The following DCX variants were observed in gnomAD, a reference collection of about 807,000 sequenced individuals.
DCX encodes the protein neuronal migration protein doublecortin.
DCX carries 4 observed loss-of-function variants against 20.9 expected under a neutral mutation model. The ratio of observed to expected loss-of-function variants is 0.19; its 90% confidence interval spans 0.09 to 0.44. DCX has a LOEUF of 0.44. DCX is among the 20% of genes least tolerant of loss of function. The probability of loss-of-function intolerance (pLI) is 0.99; values close to 1 mark genes in which losing one functional copy is unlikely to be tolerated. For missense variants in DCX, 133 were observed against 296.9 expected, an observed-to-expected ratio of 0.45 and a Z score of 4.06; for synonymous variants, 103 against 111.4, an observed-to-expected ratio of 0.92 and a Z score of 0.47.
At position 111,294,130 on chromosome X, in the gene DCX, C is replaced by T. The variant is rs994159816; in HGVS notation, c.*7557G>A. ...AACCTACCAGTCCAAGTGGGGTCAG[C>T]AAACCAAAAAAGGAGAATGCCTCTT... On this transcript the variant is annotated 3_prime_UTR_variant, in exon 7 of 7. Coordinates refer to ENST00000636035, the MANE Select transcript of DCX (RefSeq NM_001195553.2). 8 of 111,418 alleles carry T rather than the reference C, an allele frequency of 7.2e-5. No individual in the cohort carries two copies. The highest frequency in any genetic ancestry group is 2.6e-4 in the African/African-American group (8 of 30,565). 9.2% of individuals were successfully genotyped at this position (111,418 alleles called of 1,213,427 possible).
intron 6 of DCX, among the ~76,000 whole-genome samples, chrX:111,310,891 G>T (rs768994252): frequency 1.8e-5 from 2 of 112,348 alleles, no homozygotes; most frequent in Non-Finnish European, 3.8e-5. Flanking sequence ...GCTTGTGGAT[G>T]ATGGGTCCTC....
At chrX:111,402,965 A>G (rs887943066) in intron 2 of DCX, among the ~76,000 whole-genome samples, 1 of 110,939 alleles carries the variant, frequency 9.0e-6, no homozygotes. Context: ...GCATACATGG[A>G]CACCCAGGAT....
chrX:111,312,525 T>A, intron 6 of DCX, 114 bp downstream of exon 6: 1 of 719,659 alleles, frequency 1.4e-6, no homozygotes, highest in Non-Finnish European at 2.1e-6. Context: ...TGAAGCCAGA[T>A]GAAGAAAATT....
intron 3 of DCX, among the ~76,000 whole-genome samples, chrX:111,379,722 T>C (rs1345931724): frequency 8.9e-6 from 1 of 111,897 alleles, no homozygotes; most frequent in Non-Finnish European, 1.9e-5. Context: ...TTCTCTGGAG[T>C]AGAATTGCTG....
At chrX:111,387,004 T>C (rs908575950) in intron 3 of DCX, among the ~76,000 whole-genome samples, 4 of 111,859 alleles carry the variant, frequency 3.6e-5, no homozygotes, top group Non-Finnish European at 7.5e-5. Context: ...AAGCACTCCT[T>C]GGTACATCTC....
chrX:111,358,259 T>C (rs1458080815), intron 3 of DCX, among the ~76,000 whole-genome samples: 1 of 112,422 alleles, frequency 8.9e-6, no homozygotes, highest in Admixed American at 9.4e-5. Flanking sequence ...TTAATGAAAT[T>C]AGTTTCTCTA....
At chrX:111,349,024 T>G (rs2147668601) in intron 3 of DCX, among the ~76,000 whole-genome samples, 1 of 111,645 alleles carries the variant, frequency 9.0e-6, no homozygotes, top group Non-Finnish European at 1.9e-5. Flanking sequence ...TCTATATCTT[T>G]TTTGTGTCAC....
chrX:111,352,991 G>A (rs1465157269), intron 3 of DCX, among the ~76,000 whole-genome samples: 1 of 111,748 alleles, frequency 8.9e-6, no homozygotes, highest in Non-Finnish European at 1.9e-5. Context: ...CATCAACTCT[G>A]TACTGAAGAA....
chrX:111,392,939 T>C (rs1927057743), intron 3 of DCX, among the ~76,000 whole-genome samples: 2 of 111,184 alleles, frequency 1.8e-5, no homozygotes, highest in African/African-American at 6.5e-5. Flanking sequence ...GTCTAGAACA[T>C]GGCAGGGCAC....
chrX:111,352,003 G>C (rs1418912910), intron 3 of DCX, among the ~76,000 whole-genome samples: 1 of 112,109 alleles, frequency 8.9e-6, no homozygotes, highest in Non-Finnish European at 1.9e-5. Flanking sequence ...GGGATTACAG[G>C]AGGGAGCCAC....
At chrX:111,339,604 A>T (rs1922040883) in intron 3 of DCX, among the ~76,000 whole-genome samples, 1 of 111,878 alleles carries the variant, frequency 8.9e-6, no homozygotes, top group Non-Finnish European at 1.9e-5. Context: ...TCTGTTATAA[A>T]CAACAGACAA....
chrX:111,408,759 A>G (rs1049798759), intron 2 of DCX, among the ~76,000 whole-genome samples: 7 of 112,087 alleles, frequency 6.2e-5, no homozygotes, highest in African/African-American at 2.3e-4. Context: ...GTCTTTTATA[A>G]GTAACTGGTC....
At chrX:111,338,290 G>T (rs1304804252) in intron 3 of DCX, among the ~76,000 whole-genome samples, 1 of 111,789 alleles carries the variant, frequency 8.9e-6, no homozygotes, top group Non-Finnish European at 1.9e-5. Context: ...TGTCTATGAG[G>T]AGGAGTGGCC....
intron 3 of DCX, among the ~76,000 whole-genome samples, chrX:111,334,420 T>C (rs1407359250): frequency 1.8e-5 from 2 of 111,783 alleles, no homozygotes; most frequent in African/African-American, 6.5e-5. Context: ...GGCCCACTTG[T>C]CCTTCATCCA....
chrX:111,337,975 T>C (rs1005936274), intron 3 of DCX, among the ~76,000 whole-genome samples: 7 of 111,981 alleles, frequency 6.3e-5, no homozygotes, highest in African/African-American at 2.3e-4. Flanking sequence ...GCACAGAAGA[T>C]AAAGAGAACA....
intron 3 of DCX, among the ~76,000 whole-genome samples, chrX:111,388,363 T>C (rs1008648131): frequency 8.9e-6 from 1 of 112,095 alleles, no homozygotes; most frequent in African/African-American, 3.2e-5. Flanking sequence ...ATAAGCCCTA[T>C]CAAAATGCAG....
chrX:111,403,756 C>T (rs1430404845), intron 2 of DCX, among the ~76,000 whole-genome samples: 3 of 112,002 alleles, frequency 2.7e-5, no homozygotes, highest in Middle Eastern at 4.6e-3. Flanking sequence ...AAAAAGTGTT[C>T]AACCCATGGC....
At chrX:111,318,361 T>TATAATAATAATA (rs201675196) in intron 5 of DCX, among the ~76,000 whole-genome samples, 57 of 100,084 alleles carry the variant, frequency 5.7e-4, no homozygotes, top group African/African-American at 1.1e-3. Context: ...AAACTTAAAG[T>TATAATAATAATA]ATAATAATAA....
chrX:111,378,311 T>C (rs908673856), intron 3 of DCX, among the ~76,000 whole-genome samples: 6 of 111,461 alleles, frequency 5.4e-5, no homozygotes, highest in Non-Finnish European at 3.8e-5. Flanking sequence ...TTTCAAACAT[T>C]AGCGTGTACG....
Sources: allele counts gnomAD v4.1 joint callset (sites outside exome capture counted in the v4.1 genomes callset), GRCh38; gene constraint gnomAD v4.1.1; transcripts MANE v1.5; gene names NCBI Gene and HGNC (gene_info 2026-07-23, HGNC 2026-07-21).